HGD: variants seen among roughly 807,000 people sequenced by gnomAD.
HGD encodes homogentisate oxidase.
HGD carries 61 observed loss-of-function variants against 60.8 expected under a neutral mutation model. The ratio of observed to expected loss-of-function variants is 1.00; its 90% CI spans 0.82 to 1.24. The LOEUF (loss-of-function observed/expected upper bound fraction) is 1.24. Ranked by LOEUF, HGD falls within the 50% of genes most tolerant of loss-of-function variation. HGD has a pLI of 0.00. For synonymous variants in HGD, 212 were observed against 187.7 expected, an observed-to-expected ratio of 1.13 and a Z score of -1.06; for missense variants, 542 against 547.1, an observed-to-expected ratio of 0.99 and a Z score of 0.09.
chr3:120,628,475 C>G lies in HGD; in HGVS notation c.1243G>C (p.Ala415Pro). 2 of 1,613,964 alleles carry G rather than the reference C, an allele frequency of 1.2e-6. No individual in the cohort carries two copies. Among genetic ancestry groups the G allele is most frequent in the Non-Finnish European group, 1.7e-6 (2 of 1,179,944 alleles). Residue 415 changes from alanine (A) to proline (P), a missense_variant, in exon 14 of 14, where the codon GCC becomes CCC. Physicochemically the swap from Ala to Pro is conservative, Grantham distance 27. Coordinates refer to ENST00000283871, the MANE Select transcript of HGD (RefSeq NM_000187.4). Reference protein sequence around the residue: ...SLAVTKWGLKASRCLDENYHK... With the variant: ...SLAVTKWGLKPSRCLDENYHK... ...TAGTTCTCATCCAAACACCTGGAGGCCTTGAGTCCCCACTTTGTGACCGCC... is the reference window on the plus strand; with the variant it reads ...TAGTTCTCATCCAAACACCTGGAGGGCTTGAGTCCCCACTTTGTGACCGCC...
intron 3 of HGD, among the ~76,000 whole-genome samples, chr3:120,671,738 A>G (rs1022130551): frequency 6.6e-6 from 1 of 152,346 alleles, no homozygotes; most frequent in Non-Finnish European, 1.5e-5. Context: ...GAATCAACCC[A>G]AATGCCCATC....
chr3:120,675,892 C>T (rs762001185), intron 1 of HGD, 29 bp from the exon 2 acceptor site: 2 of 1,559,376 alleles, frequency 1.3e-6, no homozygotes, highest in Non-Finnish European at 1.8e-6. Flanking sequence ...CAAATGCCAC[C>T]ATTAGCAGGA....
At position 120,652,588 on chromosome 3, in the gene HGD, T is replaced by C; in HGVS notation, c.342+4A>G. On this transcript the variant is annotated splice_donor_region_variant and intron_variant, in intron 5 of 13. Coordinates refer to ENST00000283871, the MANE Select transcript of HGD (RefSeq NM_000187.4). ...TAGGGAGGGTGTGGATGGGACTGACTTACACTCACAAAGTCTACTTTCTTC... is the reference window on the plus strand; with the variant it reads ...TAGGGAGGGTGTGGATGGGACTGACCTACACTCACAAAGTCTACTTTCTTC... 6.2e-7 allele frequency: 1 copy of C among 1,608,718 alleles called. No individual in the cohort carries two copies. Among genetic ancestry groups the C allele is most frequent in the Non-Finnish European group, 8.5e-7 (1 of 1,175,192 alleles).
intron 4 of HGD, among the ~76,000 whole-genome samples, chr3:120,658,108 C>A (rs1941554865): frequency 6.6e-6 from 1 of 152,180 alleles, no homozygotes; most frequent in South Asian, 2.1e-4. Context: ...ATCTCCTGTC[C>A]TTCTCACATG....
intron 4 of HGD, among the ~76,000 whole-genome samples, chr3:120,667,094 G>A (rs1707914890): frequency 1.3e-5 from 2 of 151,932 alleles, no homozygotes; most frequent in South Asian, 2.1e-4. Context: ...GGAGGCTCAG[G>A]CAGGCAGATT....
At position 120,646,308 on chromosome 3, in the gene HGD, A is replaced by T; in HGVS notation, c.608T>A (p.Val203Asp). Reference protein sequence around the residue: ...FEETRGYILEVYGVHFELPDL... With the variant: ...FEETRGYILEDYGVHFELPDL... ...AGGTAACTCAAAGTGGACACCATAG[A>T]CCTCCAAGATGTAGCCCCTGGTCTC... Residue 203 changes from valine (V) to aspartate (D), a missense_variant, in exon 9 of 14, where the codon GTC becomes GAC. Transcript: ENST00000283871. 6.2e-7 allele frequency: 1 copy of T among 1,613,520 alleles called. No homozygotes were observed. Among genetic ancestry groups the T allele is most frequent in the Non-Finnish European group, 8.5e-7 (1 of 1,179,574 alleles).
At chr3:120,639,640 C>A (rs1263957839) in intron 11 of HGD, among the ~76,000 whole-genome samples, 1 of 152,128 alleles carries the variant, frequency 6.6e-6, no homozygotes, top group Non-Finnish European at 1.5e-5. Flanking sequence ...ATGCTCAGAG[C>A]AAAGTAGAAA....
intron 5 of HGD, among the ~76,000 whole-genome samples, chr3:120,651,830 T>C (rs1207538440): frequency 1.3e-5 from 2 of 152,220 alleles, no homozygotes; most frequent in African/African-American, 4.8e-5. Context: ...AGCATTGTAC[T>C]AACTAGAGTT....
chr3:120,657,831 G>C (rs1941542839), intron 4 of HGD, among the ~76,000 whole-genome samples: 1 of 149,294 alleles, frequency 6.7e-6, no homozygotes, highest in Non-Finnish European at 1.5e-5. Context: ...GAGAGAGAGA[G>C]AGAGAGAAAG....
intron 6 of HGD, among the ~76,000 whole-genome samples, chr3:120,649,169 G>A (rs1179264569): frequency 7.8e-6 from 1 of 128,230 alleles, no homozygotes; most frequent in African/African-American, 2.9e-5. Flanking sequence ...TTGAGATGGA[G>A]TCTCACACGG....
At chr3:120,670,251 G>A in intron 4 of HGD, 176 bp downstream of exon 4, 1 of 626,356 alleles carries the variant, frequency 1.6e-6, no homozygotes, top group East Asian at 2.7e-5. Context: ...ATAGCAGCAT[G>A]AGAATGGACT....
chr3:120,629,052 G>A (rs1940503593), intron 13 of HGD, among the ~76,000 whole-genome samples: 1 of 152,124 alleles, frequency 6.6e-6, no homozygotes, highest in Non-Finnish European at 1.5e-5. Flanking sequence ...GATGGGCTGG[G>A]AAAAGGGAAA....
At chr3:120,654,563 C>A (rs1315935372) in intron 4 of HGD, among the ~76,000 whole-genome samples, 1 of 152,106 alleles carries the variant, frequency 6.6e-6, no homozygotes, top group African/African-American at 2.4e-5. Context: ...TTGGGCCATA[C>A]GTGGCAGTGA....
chr3:120,673,863 A>G (rs1412822991), intron 3 of HGD, among the ~76,000 whole-genome samples: 3 of 152,214 alleles, frequency 2.0e-5, no homozygotes, highest in African/African-American at 7.2e-5. Flanking sequence ...CACCACAGCT[A>G]TGAAATAGGT....
chr3:120,634,203 A>C (rs1323010139), intron 12 of HGD, among the ~76,000 whole-genome samples: 1 of 152,168 alleles, frequency 6.6e-6, no homozygotes, highest in African/African-American at 2.4e-5. Flanking sequence ...TCTGTGTGTA[A>C]GAAAGTTCTT....
intron 12 of HGD, among the ~76,000 whole-genome samples, chr3:120,636,684 T>C (rs1290924159): frequency 1.3e-5 from 2 of 152,210 alleles, no homozygotes. Flanking sequence ...TTTGCCATGG[T>C]AACTGATTGT....
At chr3:120,643,009 G>A (rs1476689937) in intron 10 of HGD, among the ~76,000 whole-genome samples, 2 of 152,158 alleles carry the variant, frequency 1.3e-5, no homozygotes, top group Admixed American at 6.5e-5. Context: ...TACAATTGTG[G>A]TTCTTTAACA....
chr3:120,628,546 TG>T lies in HGD; in HGVS notation c.1189-18del, dbSNP rs769221813. ...CATAAATGCCTGGAGGAAGTGACGATGGGGATGAGAAAAAAGAGGTGAGATA... is the reference window on the plus strand; with the variant it reads ...CATAAATGCCTGGAGGAAGTGACGATGGGATGAGAAAAAAGAGGTGAGATA... On this transcript the variant is annotated intron_variant, in intron 13 of 13. Transcript: ENST00000283871. 6.2e-7 allele frequency: 1 copy of T among 1,613,592 alleles called. No individual in the cohort carries two copies. Among genetic ancestry groups the T allele is most frequent in the Non-Finnish European group, 8.5e-7 (1 of 1,179,678 alleles).
At chr3:120,648,384 AGGT>A (rs1182738113) in intron 6 of HGD, among the ~76,000 whole-genome samples, 1 of 152,158 alleles carries the variant, frequency 6.6e-6, no homozygotes, top group Non-Finnish European at 1.5e-5. Flanking sequence ...GAGAGAGGGG[AGGT>A]GGCCTGATAT....
Sources: allele counts gnomAD v4.1 joint callset (sites outside exome capture counted in the v4.1 genomes callset), GRCh38; gene constraint gnomAD v4.1.1; transcripts MANE v1.5; gene names NCBI Gene and HGNC (gene_info 2026-07-23, HGNC 2026-07-21).